PSTPIP2: variants seen among roughly 807,000 people sequenced by gnomAD.
PSTPIP2 encodes proline-serine-threonine phosphatase interacting protein 2, also known as proline-serine-threonine phosphatase-interacting protein 2.
In PSTPIP2, 33 loss-of-function variants were observed where a neutral mutation model predicts 63.3. The observed-to-expected ratio is 0.52, with a 90% CI of 0.40 to 0.70. PSTPIP2 has a LOEUF of 0.70. PSTPIP2 is among the 30% of genes least tolerant of loss of function. The pLI is 0.00. For missense variants in PSTPIP2, 312 were observed against 400.7 expected (o/e 0.78, Z 1.89); for synonymous variants, 125 against 132.7 (o/e 0.94, Z 0.40).
chr18:46,049,620 G>A (rs569704685), intron 1 of PSTPIP2, among the ~76,000 whole-genome samples: 3 of 152,220 alleles, frequency 2.0e-5, no homozygotes, highest in South Asian at 2.1e-4. Context: ...GGTGACTCAC[G>A]CCTGTAATCC....
At chr18:46,048,591 G>A (rs774073544) in intron 1 of PSTPIP2, among the ~76,000 whole-genome samples, 1 of 152,092 alleles carries the variant, frequency 6.6e-6, no homozygotes, top group Non-Finnish European at 1.5e-5. Flanking sequence ...AAAACACATG[G>A]CCTGAATCTA....
In PSTPIP2 at chr18:46,005,354, C is replaced by T. The variant is rs2051713790; in HGVS notation, c.417+115G>A. 4.4e-6 allele frequency: 4 copies of T among 902,784 alleles called. No individual in the cohort carries two copies. In the South Asian group the frequency reaches 7.4e-5, roughly 17 times the overall value. The allele number at this position is 902,784 out of a possible 1,614,324, so 55.9% of individuals were successfully genotyped here. On this transcript the variant is annotated intron_variant, in intron 6 of 14. Transcript: ENST00000409746. ...AGGTTGTTTTCCCTAAAACACTGCA[C>T]TAATAAATAATAACATTTTTGAAAT...
rs922851799 is a variant in PSTPIP2, at chr18:46,015,843, C to T, written c.247+60G>A. 7.4e-5 allele frequency: 114 copies of T among 1,540,110 alleles called. 1 individual carries two copies. The highest frequency in any genetic ancestry group is 9.3e-5 in the Non-Finnish European group (105 of 1,127,090). Reference sequence around the variant, plus strand: ...TGTTCAAATTAAAACACACCTTTGACGACAGACACAGGGCTTGTCAAGGGC... The same window carrying T: ...TGTTCAAATTAAAACACACCTTTGATGACAGACACAGGGCTTGTCAAGGGC... On this transcript the variant is annotated intron_variant, in intron 4 of 14. Transcript: ENST00000409746.
At chr18:46,027,472 T>C (rs1907623230) in intron 2 of PSTPIP2, among the ~76,000 whole-genome samples, 1 of 152,008 alleles carries the variant, frequency 6.6e-6, no homozygotes, top group African/African-American at 2.4e-5. Flanking sequence ...GGAGGATCGA[T>C]TGAGCCCAAG....
intron 1 of PSTPIP2, among the ~76,000 whole-genome samples, chr18:46,050,057 G>A (rs1194702554): frequency 6.6e-6 from 1 of 152,090 alleles, no homozygotes; most frequent in Non-Finnish European, 1.5e-5. Context: ...AATTAGGAAA[G>A]GTTGAAAATT....
chr18:46,021,907 A>C (rs1907375735), intron 3 of PSTPIP2, among the ~76,000 whole-genome samples: 1 of 151,000 alleles, frequency 6.6e-6, no homozygotes, highest in South Asian at 2.1e-4. Flanking sequence ...AAATACGATT[A>C]ATCATGAAAA....
chr18:46,015,643 A>G (rs1165508297), intron 4 of PSTPIP2, among the ~76,000 whole-genome samples: 1 of 152,152 alleles, frequency 6.6e-6, no homozygotes, highest in African/African-American at 2.4e-5. Context: ...TGTGTCAATA[A>G]CAAGCCCTCC....
intron 2 of PSTPIP2, among the ~76,000 whole-genome samples, chr18:46,025,415 C>T (rs1290497098): frequency 6.6e-6 from 1 of 152,188 alleles, no homozygotes; most frequent in Non-Finnish European, 1.5e-5. Context: ...CTCCACTGCT[C>T]TCCCCAGGGG....
chr18:46,012,211 T>A (rs2051804003), intron 4 of PSTPIP2, among the ~76,000 whole-genome samples: 1 of 151,978 alleles, frequency 6.6e-6, no homozygotes, highest in Admixed American at 6.6e-5. Flanking sequence ...TTGGGCAAAA[T>A]TTTTAAAGCA....
At chr18:46,033,393 T>G (rs1216977315) in intron 2 of PSTPIP2, among the ~76,000 whole-genome samples, 1 of 152,186 alleles carries the variant, frequency 6.6e-6, no homozygotes. Flanking sequence ...ACATGACTAG[T>G]GTCCTTATAA....
intron 5 of PSTPIP2, among the ~76,000 whole-genome samples, chr18:46,005,909 TC>T (rs2051719969): frequency 1.3e-5 from 2 of 152,200 alleles, no homozygotes; most frequent in African/African-American, 2.4e-5. Context: ...TAAGTATACA[TC>T]AGCACAGTTA....
At chr18:46,064,025 G>T (rs2144135200) in intron 1 of PSTPIP2, among the ~76,000 whole-genome samples, 1 of 152,260 alleles carries the variant, frequency 6.6e-6, no homozygotes, top group South Asian at 2.1e-4. Flanking sequence ...GCCAGGCATT[G>T]AACCAGGCAC....
At chr18:46,032,216 C>G (rs950115194) in intron 2 of PSTPIP2, among the ~76,000 whole-genome samples, 1 of 152,120 alleles carries the variant, frequency 6.6e-6, no homozygotes, top group African/African-American at 2.4e-5. Flanking sequence ...TGAGACCTGC[C>G]TAGTGGTGCT....
chr18:46,056,955 T>A (rs781667673), intron 1 of PSTPIP2, among the ~76,000 whole-genome samples: 1 of 151,496 alleles, frequency 6.6e-6, no homozygotes, highest in Non-Finnish European at 1.5e-5. Context: ...TACAAAAAAA[T>A]TAGCTGGGTG....
chr18:46,016,147 T>C (rs1395703361), intron 3 of PSTPIP2: 5 of 565,820 alleles, frequency 8.8e-6, no homozygotes, highest in Admixed American at 6.1e-5. Context: ...CACTGTTCAT[T>C]TGGGGAGAGC....
intron 14 of PSTPIP2, among the ~76,000 whole-genome samples, chr18:45,987,601 A>T (rs1672953806): frequency 6.6e-6 from 1 of 150,382 alleles, no homozygotes; most frequent in South Asian, 2.1e-4. Context: ...CAAATTCAAA[A>T]ACAGGAAGGA....
In PSTPIP2 at chr18:46,011,303, A is replaced by T. The variant is rs113644230; in HGVS notation, c.248-16T>A. 235 of 1,493,106 alleles carry T rather than the reference A, an allele frequency of 1.6e-4. 2 individuals are homozygous for T. Among genetic ancestry groups the T allele is most frequent in the South Asian group, 4.5e-4 (38 of 83,978 alleles). 92.5% of individuals were successfully genotyped at this position (1,493,106 alleles called of 1,614,324 possible). ...TTGTCTACTTCTGCAAAAAAGAATTAAAAAAAAAATCAAGGTCTACATATG... is the reference window on the plus strand; with the variant it reads ...TTGTCTACTTCTGCAAAAAAGAATTTAAAAAAAAATCAAGGTCTACATATG... On this transcript the variant is annotated splice_polypyrimidine_tract_variant and intron_variant, in intron 4 of 14. Coordinates refer to ENST00000409746, the MANE Select transcript of PSTPIP2 (RefSeq NM_024430.4).
At chr18:46,033,397 C>G (rs1025244135) in intron 2 of PSTPIP2, among the ~76,000 whole-genome samples, 1 of 152,076 alleles carries the variant, frequency 6.6e-6, no homozygotes, top group Non-Finnish European at 1.5e-5. Context: ...GACTAGTGTC[C>G]TTATAAGAAG....
intron 4 of PSTPIP2, among the ~76,000 whole-genome samples, chr18:46,012,290 C>A (rs1199970111): frequency 1.3e-5 from 2 of 151,872 alleles, no homozygotes; most frequent in East Asian, 1.9e-4. Context: ...ACAGCACAAC[C>A]TTTCTGGAGG....
Sources: allele counts gnomAD v4.1 joint callset (sites outside exome capture counted in the v4.1 genomes callset), GRCh38; gene constraint gnomAD v4.1.1; transcripts MANE v1.5; gene names NCBI Gene and HGNC (gene_info 2026-07-23, HGNC 2026-07-21).